IMMP2L: variants seen among roughly 807,000 people sequenced by gnomAD.
IMMP2L encodes mitochondrial inner membrane protease subunit 2.
Under a neutral mutation model 19.3 loss-of-function variants are expected in IMMP2L, and 18 were observed. The observed-to-expected ratio is 0.93, with a 90% CI of 0.64 to 1.38. The LOEUF is 1.38. Among genes scored for constraint, IMMP2L ranks in the 40% most tolerant of loss-of-function variants. The pLI is 0.00. For missense variants in IMMP2L, 233 were observed against 218.2 expected, an observed-to-expected ratio of 1.07 and a Z score of -0.43; for synonymous variants, 76 against 73.0, an observed-to-expected ratio of 1.04 and a Z score of -0.21.
chr7:111,190,714 T>C lies in IMMP2L; in HGVS notation c.240-227149A>G, dbSNP rs532745270. On this transcript the variant is annotated intron_variant, in intron 3 of 5. Coordinates refer to ENST00000405709, the MANE Select transcript of IMMP2L (RefSeq NM_032549.4). ...AGTCTGGCATAAAAAGCCACACTTT[T>C]CACTGACATTACATGAGTATATTGC... 3.9e-5 allele frequency among the ~76,000 whole-genome samples: 6 copies of C among 152,230 alleles called. No individual in the cohort carries two copies. The South Asian group carries it at 1.2e-3, about 32-fold the overall frequency.
chr7:110,753,814 G>A (rs191288930), intron 5 of IMMP2L, among the ~76,000 whole-genome samples: 11 of 151,580 alleles, frequency 7.3e-5, no homozygotes, highest in Admixed American at 3.3e-4. Context: ...AAAATAGGGC[G>A]GGAATATAGA....
At chr7:110,913,974 T>C (rs1813324633) in intron 4 of IMMP2L, among the ~76,000 whole-genome samples, 1 of 152,160 alleles carries the variant, frequency 6.6e-6, no homozygotes, top group South Asian at 2.1e-4. Context: ...TTTGGCAAAC[T>C]TTCTCAACAC....
intron 5 of IMMP2L, among the ~76,000 whole-genome samples, chr7:110,833,468 C>T (rs1329303203): frequency 6.8e-6 from 1 of 146,870 alleles, no homozygotes; most frequent in African/African-American, 2.5e-5. Context: ...AGAGAGAGAG[C>T]TTTAATCACA....
At chr7:111,505,838 G>A (rs1217122259) in intron 2 of IMMP2L, among the ~76,000 whole-genome samples, 2 of 152,000 alleles carry the variant, frequency 1.3e-5, no homozygotes, top group East Asian at 3.9e-4. Context: ...GGGGAGCGGG[G>A]AGGGATAGCA....
intron 1 of IMMP2L, among the ~76,000 whole-genome samples, chr7:111,522,807 C>T (rs969305880): frequency 3.3e-5 from 5 of 151,838 alleles, no homozygotes; most frequent in African/African-American, 1.2e-4. Flanking sequence ...GAACTGAAAT[C>T]AGTATATTGA....
At chr7:110,855,631 T>C (rs1806683061) in intron 5 of IMMP2L, among the ~76,000 whole-genome samples, 1 of 152,066 alleles carries the variant, frequency 6.6e-6, no homozygotes, top group Non-Finnish European at 1.5e-5. Context: ...ATATCCCTTA[T>C]ACCCTTAGCC....
intron 2 of IMMP2L, among the ~76,000 whole-genome samples, chr7:111,496,045 T>G (rs1843563421): frequency 6.6e-6 from 1 of 152,142 alleles, no homozygotes; most frequent in Non-Finnish European, 1.5e-5. Context: ...ACTGAAATAG[T>G]ACTGTTGATT....
intron 4 of IMMP2L, among the ~76,000 whole-genome samples, chr7:110,909,680 G>A (rs560448430): frequency 4.6e-5 from 7 of 152,134 alleles, no homozygotes; most frequent in South Asian, 4.2e-4. Context: ...TCCACTTTCA[G>A]GCCCTCTTGA....
At chr7:111,452,026 A>G (rs1839249761) in intron 3 of IMMP2L, among the ~76,000 whole-genome samples, 1 of 152,054 alleles carries the variant, frequency 6.6e-6, no homozygotes, top group South Asian at 2.1e-4. Flanking sequence ...CTCCCTTCCT[A>G]CTGTCCTTCA....
chr7:110,741,096 C>T (rs947200683), intron 5 of IMMP2L, among the ~76,000 whole-genome samples: 6 of 152,108 alleles, frequency 3.9e-5, no homozygotes, highest in Admixed American at 3.3e-4. Context: ...AGATGACCAT[C>T]AATCAACGAG....
chr7:111,065,237 T>C (rs2129574821), intron 3 of IMMP2L, among the ~76,000 whole-genome samples: 1 of 152,346 alleles, frequency 6.6e-6, no homozygotes, highest in South Asian at 2.1e-4. Context: ...GACATAAGAT[T>C]TATTGACTTC....
intron 3 of IMMP2L, among the ~76,000 whole-genome samples, chr7:111,406,822 G>T (rs920773735): frequency 7.2e-5 from 11 of 151,966 alleles, no homozygotes; most frequent in Non-Finnish European, 1.3e-4. Flanking sequence ...CATGCATTTT[G>T]GGGAGTGCCC....
At chr7:111,444,617 T>C (rs1223956471) in intron 3 of IMMP2L, among the ~76,000 whole-genome samples, 1 of 152,178 alleles carries the variant, frequency 6.6e-6, no homozygotes, top group East Asian at 1.9e-4. Context: ...ATTTTCCTCA[T>C]CGCTTCTACT....
chr7:111,154,871 C>A (rs1422971369), intron 3 of IMMP2L, among the ~76,000 whole-genome samples: 1 of 152,112 alleles, frequency 6.6e-6, no homozygotes, highest in Non-Finnish European at 1.5e-5. Flanking sequence ...GATCCTCTTG[C>A]ATCAGCCTCC....
chr7:111,141,994 GT>G, intron 3 of IMMP2L, among the ~76,000 whole-genome samples: 1 of 152,276 alleles, frequency 6.6e-6, no homozygotes, highest in African/African-American at 2.4e-5. Flanking sequence ...ATGAGCCACT[GT>G]GCCTAAAGAT....
chr7:111,201,341 A>G (rs1432502799), intron 3 of IMMP2L, among the ~76,000 whole-genome samples: 1 of 151,716 alleles, frequency 6.6e-6, no homozygotes, highest in East Asian at 1.9e-4. Context: ...TTTGAGAATT[A>G]TAATATAACT....
intron 5 of IMMP2L, among the ~76,000 whole-genome samples, chr7:110,665,440 T>C: frequency 6.6e-6 from 1 of 152,350 alleles, no homozygotes; most frequent in South Asian, 2.1e-4. Flanking sequence ...ATATTTAATG[T>C]AGATACAATA....
At chr7:110,852,089 G>A (rs1399517346) in intron 5 of IMMP2L, among the ~76,000 whole-genome samples, 1 of 151,980 alleles carries the variant, frequency 6.6e-6, no homozygotes. Flanking sequence ...TTGGAATACA[G>A]CCATCATTTG....
At position 110,760,277 on chromosome 7, in the gene IMMP2L, T is replaced by G. The variant is rs577487286; in HGVS notation, c.409-96556A>C. On this transcript the variant is annotated intron_variant, in intron 5 of 5. Coordinates refer to ENST00000405709, the MANE Select transcript of IMMP2L (RefSeq NM_032549.4). This position sits in a 1 kb window ranked among gnomAD's most constrained non-coding sequence, Gnocchi z 4.2. ...TTAGAGAAGTTGTTTACATCCAATA[T>G]TGGACTACCCTTCACATTAAGTTTA... Among the ~76,000 whole-genome samples the G allele has an allele frequency of 3.9e-5, 6 of 152,260 alleles. No homozygotes were observed. In the South Asian group the frequency reaches 1.2e-3, roughly 32 times the overall value.
Sources: gnomAD v4.1 joint callset for allele counts (sites outside exome capture counted in the v4.1 genomes callset) on GRCh38, gnomAD v4.1.1 for gene constraint, Gnocchi (gnomAD v3.1) non-coding constraint, MANE v1.5 for transcripts, NCBI Gene and HGNC (gene_info 2026-07-23, HGNC 2026-07-21) for gene names.